RPL22L1: variants seen among roughly 807,000 people sequenced by gnomAD.
RPL22L1 encodes ribosomal protein L22 like 1.
In RPL22L1, 19 loss-of-function variants were observed where a neutral mutation model predicts 17.3. That is an observed-to-expected ratio of 1.10 (90% CI 0.77 to 1.61). The LOEUF is 1.61. RPL22L1 is among the 40% of genes most tolerant of loss of function. The pLI is 0.00. For missense variants in RPL22L1, 139 were observed against 144.4 expected (o/e 0.96, Z 0.19); for synonymous variants, 48 against 48.5 (o/e 0.99, Z 0.05).
In RPL22L1 at chr3:170,866,252, AT is replaced by A; in HGVS notation, c.*127del. 2.7e-6 allele frequency: 2 copies of A among 732,994 alleles called. No homozygotes were observed. The highest frequency in any genetic ancestry group is 4.2e-6 in the Non-Finnish European group (2 of 472,616). The allele number at this position is 732,994 out of a possible 1,614,324, so 45.4% of individuals were successfully genotyped here. A position where few individuals can be genotyped will look rare whatever the true frequency, so the allele number is the denominator to read the frequency against. The stretch of plus-strand genomic sequence containing the variant: ...TCATATAAACAGCATACTCAAAAAA[AT>A]GAGACAAAAGTTCAAGAGTATAATA... On this transcript the variant is annotated 3_prime_UTR_variant, in exon 4 of 4. Coordinates refer to ENST00000295830, the MANE Select transcript of RPL22L1 (RefSeq NM_001099645.2).
At chr3:170,866,553 A>G (rs1428606537) in intron 3 of RPL22L1, 29 bp from the exon 4 acceptor site, 2 of 1,477,920 alleles carry the variant, frequency 1.4e-6, no homozygotes, top group South Asian at 2.5e-5. Flanking sequence ...AAATTTCATT[A>G]AGAAATACAA....
rs1182847052 is a variant in RPL22L1 at position 170,868,130 on chromosome 3, T to C, written c.107A>G (p.Gln36Arg). The C allele has an allele frequency of 1.9e-6, 3 of 1,604,870 alleles. No homozygotes were observed. The Admixed American group carries it at 5.1e-5, about 27-fold the overall frequency. Residue 36 changes from glutamine to arginine, a missense_variant, in exon 3 of 4, where the codon CAA (glutamine) becomes CGA (arginine). By Grantham distance (43) the Gln-to-Arg change is conservative. Transcript: ENST00000295830. ...GACTTTAACCTTCTCCCGTAGAAAT[T>C]GCTCCTATTTTAAAACAGAAAAAAT... ...DGIFDSGNFE[Q>R]FLREKVKVNG... is the part of the protein sequence containing the mutation.
chr3:170,869,162 C>T (rs939714449), intron 1 of RPL22L1, among the ~76,000 whole-genome samples: 53 of 151,744 alleles, frequency 3.5e-4, no homozygotes, highest in Non-Finnish European at 5.7e-4. Flanking sequence ...TTAAATTTTC[C>T]ATATCCAAAC....
chr3:170,869,983 G>T, intron 1 of RPL22L1, 176 bp downstream of exon 1: 2 of 936,502 alleles, frequency 2.1e-6, no homozygotes, highest in Non-Finnish European at 1.7e-6. Context: ...AGCTGCCAGG[G>T]AGTCTCGAAA....
chr3:170,867,942 G>A (rs1404858188), intron 3 of RPL22L1, 71 bp downstream of exon 3: 9 of 1,219,584 alleles, frequency 7.4e-6, no homozygotes, highest in Non-Finnish European at 1.0e-5. Context: ...CAGAATACAT[G>A]TAATAACTAC....
chr3:170,869,982 G>A (rs765480158), intron 1 of RPL22L1, 177 bp downstream of exon 1: 2 of 932,972 alleles, frequency 2.1e-6, no homozygotes, highest in Admixed American at 2.0e-5. Context: ...CAGCTGCCAG[G>A]GAGTCTCGAA....
intron 1 of RPL22L1, chr3:170,869,852 T>TG (rs1711925798): frequency 3.9e-6 from 2 of 515,636 alleles, no homozygotes; most frequent in Non-Finnish European, 3.7e-6. Flanking sequence ...AGTAAAGAAA[T>TG]GGCTCAGATT....
chr3:170,866,305 C>A lies in RPL22L1; in HGVS notation c.*75G>T. On this transcript the variant is annotated 3_prime_UTR_variant, in exon 4 of 4. Coordinates refer to ENST00000295830, the MANE Select transcript of RPL22L1 (RefSeq NM_001099645.2). ...TTTTTATTCACTGATAAACTAAAAG[C>A]CAATTTCTTGGTATTTCTCATGTAT... 3 of 1,303,224 alleles carry A rather than the reference C, an allele frequency of 2.3e-6. No individual in the cohort carries two copies. The highest frequency in any genetic ancestry group is 3.1e-6 in the Non-Finnish European group (3 of 967,878). 80.7% of individuals were successfully genotyped at this position (1,303,224 alleles called of 1,614,324 possible).
At chr3:170,868,818 A>AG (rs1711873694) in intron 1 of RPL22L1, among the ~76,000 whole-genome samples, 1 of 146,642 alleles carries the variant, frequency 6.8e-6, no homozygotes. Flanking sequence ...AAAAAAAAAA[A>AG]GAAAAGAAAA....
rs1711850789 is a variant in RPL22L1, at chr3:170,868,327, C to T, written c.73G>A (p.Glu25Lys). The T allele has an allele frequency of 1.2e-6, 2 of 1,610,468 alleles. No individual in the cohort carries two copies. The highest frequency in any genetic ancestry group is 2.2e-5 in the South Asian group (2 of 90,620). Residue 25 changes from glutamate (E) to lysine (K), a missense_variant, in exon 2 of 4, where the codon GAA (glutamate) becomes AAA (lysine). Physicochemically the swap from Glu to Lys is moderately conservative, Grantham distance 56. Coordinates refer to ENST00000295830, the MANE Select transcript of RPL22L1 (RefSeq NM_001099645.2). ...RFNLDLTHPVEDGIFDSGNFE... is the reference protein window; with the variant it reads ...RFNLDLTHPVKDGIFDSGNFE... The stretch of plus-strand genomic sequence containing the variant: ...TTTCCAGAATCAAAAATTCCATCTT[C>T]TACTGGATGAGTAAGGTCCAAATTA...
Position 170,865,818 on chromosome 3 carries a change from A to G in RPL22L1, c.*562T>C, listed in dbSNP as rs1711736000. 6.6e-6 allele frequency: 1 copy of G among 152,282 alleles called. No individual in the cohort carries two copies. The highest frequency in any genetic ancestry group is 1.5e-5 in the Non-Finnish European group (1 of 68,102). 9.4% of individuals were successfully genotyped at this position (152,282 alleles called of 1,614,324 possible). Reference sequence around the variant, plus strand: ...AAAAACAGTATTTGAGACTGTCAAGACAATCATATACATTTTATACAGCTA... The same window carrying G: ...AAAAACAGTATTTGAGACTGTCAAGGCAATCATATACATTTTATACAGCTA... On this transcript the variant is annotated 3_prime_UTR_variant, in exon 4 of 4. Coordinates refer to ENST00000295830, the MANE Select transcript of RPL22L1 (RefSeq NM_001099645.2).
At chr3:170,866,640 A>G (rs577702482) in intron 3 of RPL22L1, 116 bp from the exon 4 acceptor site, 1 of 705,476 alleles carries the variant, frequency 1.4e-6, no homozygotes, top group East Asian at 2.8e-5. Context: ...GCTTCCTCCA[A>G]AATATTTCAT....
chr3:170,868,131 G>C lies in RPL22L1; in HGVS notation c.106C>G (p.Gln36Glu), dbSNP rs755104005. 40 of 1,604,582 alleles carry C rather than the reference G, an allele frequency of 2.5e-5. No individual in the cohort carries two copies. Among genetic ancestry groups the C allele is most frequent in the Non-Finnish European group, 3.3e-5 (39 of 1,174,724 alleles). The change falls in exon 3 of 4, where the codon CAA (glutamine) becomes GAA (glutamate). Residue 36 changes from glutamine to glutamate, a missense_variant. Transcript: ENST00000295830. ...DGIFDSGNFE[Q>E]FLREKVKVNG... is the part of the protein sequence containing the mutation. ...ACTTTAACCTTCTCCCGTAGAAATT[G>C]CTCCTATTTTAAAACAGAAAAAATG...
rs780137284 is a variant in RPL22L1 at position 170,866,437 on chromosome 3, G to A, written c.312C>T (p.Tyr104=). The stretch of plus-strand genomic sequence containing the variant: ...GACTAATCTGGAAGTAACGAAGTTC[G>A]TAGGTCTCCTTGTCAGATGCAACCA... ...LRVVASDKET[Y]ELRYFQISQD... The change falls in exon 4 of 4, where the codon TAC becomes TAT. Residue 104 remains tyrosine, a synonymous_variant. Coordinates refer to ENST00000295830, the MANE Select transcript of RPL22L1 (RefSeq NM_001099645.2). The A allele has an allele frequency of 7.5e-6, 12 of 1,600,888 alleles. No homozygotes were observed. Among genetic ancestry groups the A allele is most frequent in the African/African-American group, 1.3e-5 (1 of 74,702 alleles).
intron 1 of RPL22L1, 129 bp downstream of exon 1, chr3:170,870,030 G>T: frequency 2.2e-6 from 3 of 1,370,172 alleles, no homozygotes; most frequent in South Asian, 1.2e-5. Flanking sequence ...TTGTGTTTCT[G>T]ACCCAGACTT....
intron 1 of RPL22L1, among the ~76,000 whole-genome samples, chr3:170,869,367 A>G (rs776978913): frequency 6.6e-6 from 1 of 152,226 alleles, no homozygotes; most frequent in Non-Finnish European, 1.5e-5. Flanking sequence ...ACATGTGCCA[A>G]AAGATAATTA....
rs780971809 is a variant in RPL22L1 at position 170,866,349 on chromosome 3, A to C, written c.*31T>G. ...CATGTATACTTCATTTATTTTATTA[A>C]TAAGCAAAGCCCTGTAAGGGGAGCC... is the stretch of plus-strand genomic sequence containing the variant. On this transcript the variant is annotated 3_prime_UTR_variant, in exon 4 of 4. Transcript: ENST00000295830. 15 of 1,527,606 alleles carry C rather than the reference A, an allele frequency of 9.8e-6. No homozygotes were observed. Among genetic ancestry groups the C allele is most frequent in the Non-Finnish European group, 1.1e-5 (12 of 1,134,390 alleles). The allele number at this position is 1,527,606 out of a possible 1,614,324, so 94.6% of individuals were successfully genotyped here. A position where few individuals can be genotyped will look rare whatever the true frequency, so the allele number is the denominator to read the frequency against.
At position 170,868,050 on chromosome 3, in the gene RPL22L1, T is replaced by C. The variant is rs765030841; in HGVS notation, c.187A>G (p.Lys63Glu). The C allele has an allele frequency of 1.9e-6, 3 of 1,603,484 alleles. No individual in the cohort carries two copies. In the Admixed American group the frequency reaches 5.1e-5, roughly 27 times the overall value. ...TGTTTCTCAGAAACAACTGTGATTT[T>C]ATTCTTGAAGCGTTCAATGTGAACA... is the stretch of plus-strand genomic sequence containing the variant. ...NVVHIERFKN[K>E]ITVVSEKQFS... Residue 63 changes from lysine (K) to glutamate (E), a missense_variant, in exon 3 of 4, where the codon AAA becomes GAA. Physicochemically the swap from Lys to Glu is moderately conservative, Grantham distance 56. Coordinates refer to ENST00000295830, the MANE Select transcript of RPL22L1 (RefSeq NM_001099645.2).
Position 170,866,012 on chromosome 3 carries a change from G to C in RPL22L1, c.*368C>G, listed in dbSNP as rs559452852. The C allele has an allele frequency of 6.4e-6, 1 of 155,882 alleles. No homozygotes were observed. Among genetic ancestry groups the C allele is most frequent in the African/African-American group, 2.4e-5 (1 of 41,406 alleles). The allele number at this position is 155,882 out of a possible 1,614,324, so 9.7% of individuals were successfully genotyped here. On this transcript the variant is annotated 3_prime_UTR_variant, in exon 4 of 4. Transcript: ENST00000295830. Reference sequence around the variant, plus strand: ...CTACTAAAAGTACAAAAAATTAGCCGGGCATGGTGGCTCACACCTGTAATT... The same window carrying C: ...CTACTAAAAGTACAAAAAATTAGCCCGGCATGGTGGCTCACACCTGTAATT...
Sources: allele counts gnomAD v4.1 joint callset (sites outside exome capture counted in the v4.1 genomes callset), GRCh38; gene constraint gnomAD v4.1.1; transcripts MANE v1.5; gene names NCBI Gene and HGNC (gene_info 2026-07-23, HGNC 2026-07-21).